Variants in ST6GALNAC3 observed in about 807,000 individuals in gnomAD.
ST6GALNAC3 encodes the protein ST6 N-acetylgalactosaminide alpha-2,6-sialyltransferase 3.
Under a neutral mutation model 32.7 loss-of-function variants are expected in ST6GALNAC3, and 25 were observed. That is an observed-to-expected ratio of 0.76 (90% CI 0.56 to 1.07). The LOEUF is 1.07. ST6GALNAC3 is among the 50% of genes least tolerant of loss of function. ST6GALNAC3 has a pLI of 0.00. For missense variants in ST6GALNAC3, 355 were observed against 382.4 expected, an observed-to-expected ratio of 0.93 and a Z score of 0.60; for synonymous variants, 129 against 133.1, an observed-to-expected ratio of 0.97 and a Z score of 0.21.
At chr1:76,407,595 G>C (rs1191209113) in intron 2 of ST6GALNAC3, among the ~76,000 whole-genome samples, 2 of 151,930 alleles carry the variant, frequency 1.3e-5, no homozygotes, top group African/African-American at 4.8e-5. Flanking sequence ...CTGAAGCCCA[G>C]TGAAAATATT....
intron 2 of ST6GALNAC3, among the ~76,000 whole-genome samples, chr1:76,369,524 T>G (rs758756142): frequency 5.3e-5 from 8 of 152,286 alleles, no homozygotes; most frequent in Non-Finnish European, 1.2e-4. Context: ...GTTAGTTACA[T>G]TGCCTAAAGT....
intron 1 of ST6GALNAC3, among the ~76,000 whole-genome samples, chr1:76,114,032 G>A (rs1037909974): frequency 6.2e-5 from 9 of 144,968 alleles, no homozygotes; most frequent in East Asian, 2.0e-4. Flanking sequence ...TAGTAGAGAC[G>A]GAGTCTCGCC....
intron 1 of ST6GALNAC3, among the ~76,000 whole-genome samples, chr1:76,199,294 T>A (rs996402108): frequency 5.9e-5 from 9 of 152,240 alleles, no homozygotes; most frequent in African/African-American, 2.2e-4. Context: ...AAAGGATTGA[T>A]GCTGGGCCAG....
intron 1 of ST6GALNAC3, among the ~76,000 whole-genome samples, chr1:76,214,944 C>G (rs550694322): frequency 6.6e-6 from 1 of 152,290 alleles, no homozygotes. Context: ...AGCCATTTCA[C>G]TTTTCTGAAT....
intron 1 of ST6GALNAC3, among the ~76,000 whole-genome samples, chr1:76,129,998 A>G (rs1178752941): frequency 1.3e-5 from 2 of 152,134 alleles, no homozygotes; most frequent in African/African-American, 2.4e-5. Flanking sequence ...GATTTGGCCC[A>G]TTCCTGCATT....
Position 76,097,437 on chromosome 1 carries a change from T to C in ST6GALNAC3, c.18+22553T>C, listed in dbSNP as rs374440319. On this transcript the variant is annotated intron_variant, in intron 1 of 4. Coordinates refer to ENST00000328299, the MANE Select transcript of ST6GALNAC3 (RefSeq NM_152996.4). ...ATAAGGGGCTTTCCCCCTACTTTGC[T>C]CTGCACTTCTCTTCGCTGCTGCCAT... Among the ~76,000 whole-genome samples the C allele has an allele frequency of 3.7e-4, 57 of 152,290 alleles. 3 individuals are homozygous for C. The highest frequency in any genetic ancestry group is 1.2e-3 in the African/African-American group (50 of 41,560).
intron 3 of ST6GALNAC3, among the ~76,000 whole-genome samples, chr1:76,471,472 A>G (rs1475911196): frequency 1.3e-5 from 2 of 152,140 alleles, no homozygotes; most frequent in Non-Finnish European, 2.9e-5. Flanking sequence ...CGATAAGCTC[A>G]GTGAAGCCGG....
chr1:76,455,146 T>G (rs1418495717), intron 3 of ST6GALNAC3, among the ~76,000 whole-genome samples: 1 of 152,156 alleles, frequency 6.6e-6, no homozygotes, highest in East Asian at 1.9e-4. Flanking sequence ...AGATTGTTTC[T>G]TTTTCATAAC....
chr1:76,328,104 C>A (rs1647114017), intron 2 of ST6GALNAC3, among the ~76,000 whole-genome samples: 1 of 152,160 alleles, frequency 6.6e-6, no homozygotes, highest in African/African-American at 2.4e-5. Flanking sequence ...CACACATGCT[C>A]AAATTGGCAG....
chr1:76,227,745 CT>C (rs886258275), intron 1 of ST6GALNAC3, among the ~76,000 whole-genome samples: 4 of 152,158 alleles, frequency 2.6e-5, no homozygotes, highest in African/African-American at 9.7e-5. Context: ...CCTCGTTGCT[CT>C]TTTTAGAAGT....
chr1:76,153,093 T>G (rs1409905526), intron 1 of ST6GALNAC3, among the ~76,000 whole-genome samples: 1 of 152,190 alleles, frequency 6.6e-6, no homozygotes, highest in African/African-American at 2.4e-5. Context: ...CTCCTTTTAA[T>G]AGTGGTGTCT....
chr1:76,341,682 C>CTTTTTTTCT (rs1411767732), intron 2 of ST6GALNAC3, among the ~76,000 whole-genome samples: 1 of 36,054 alleles, frequency 2.8e-5, no homozygotes, highest in African/African-American at 9.7e-5. Context: ...TCTTTCTTTC[C>CTTTTTTTCT]TTCTTTCTTT....
rs1046178881 is a variant in ST6GALNAC3, at chr1:76,593,577, T to A, written c.624-33875T>A. On this transcript the variant is annotated intron_variant, in intron 3 of 4. Transcript: ENST00000328299. The stretch of plus-strand genomic sequence containing the variant: ...GGTTTTATCAAGCATCTTTCTAAAG[T>A]GCTTTCATAAATTTTCTCTTTGGTA... Among the ~76,000 whole-genome samples, 6 of 152,188 alleles carry A rather than the reference T, an allele frequency of 3.9e-5. No homozygotes were observed. The East Asian group carries it at 1.2e-3, about 29-fold the overall frequency.
At chr1:76,116,193 C>T (rs1259600906) in intron 1 of ST6GALNAC3, among the ~76,000 whole-genome samples, 1 of 151,876 alleles carries the variant, frequency 6.6e-6, no homozygotes, top group Non-Finnish European at 1.5e-5. Context: ...AAAGGTGCAT[C>T]TGTCATTGAA....
At chr1:76,279,549 T>C (rs1659376497) in intron 1 of ST6GALNAC3, among the ~76,000 whole-genome samples, 1 of 151,760 alleles carries the variant, frequency 6.6e-6, no homozygotes, top group Non-Finnish European at 1.5e-5. Context: ...TGGGAAAGGG[T>C]GGTTAGTATT....
chr1:76,471,625 T>C (rs1659035951), intron 3 of ST6GALNAC3, among the ~76,000 whole-genome samples: 1 of 152,092 alleles, frequency 6.6e-6, no homozygotes, highest in South Asian at 2.1e-4. Context: ...TTCTTTCAAA[T>C]CTCTCTCTGC....
chr1:76,263,869 T>G (rs1234083195), intron 1 of ST6GALNAC3, among the ~76,000 whole-genome samples: 1 of 152,130 alleles, frequency 6.6e-6, no homozygotes, highest in Non-Finnish European at 1.5e-5. Context: ...TGAGCTTTCG[T>G]TTCTGAATAT....
chr1:76,436,867 C>T (rs947231288), intron 3 of ST6GALNAC3, among the ~76,000 whole-genome samples: 1 of 151,930 alleles, frequency 6.6e-6, no homozygotes, highest in Non-Finnish European at 1.5e-5. Context: ...TTAAGTTGTT[C>T]CCATTTTGAA....
intron 1 of ST6GALNAC3, among the ~76,000 whole-genome samples, chr1:76,213,720 G>C (rs1025139161): frequency 6.6e-6 from 1 of 152,142 alleles, no homozygotes; most frequent in East Asian, 1.9e-4. Context: ...AGTGGCAGGT[G>C]TCTATTCTTC....
Sources: allele counts gnomAD v4.1 joint callset (sites outside exome capture counted in the v4.1 genomes callset), GRCh38; gene constraint gnomAD v4.1.1; transcripts MANE v1.5; gene names NCBI Gene and HGNC (gene_info 2026-07-23, HGNC 2026-07-21).